Variants in MYLK4 observed in about 807,000 individuals in gnomAD.
The protein encoded by MYLK4 is myosin light chain kinase family member 4.
In MYLK4, 46 loss-of-function variants were observed where a neutral mutation model predicts 48.1. The observed-to-expected ratio is 0.96, with a 90% CI of 0.75 to 1.22. The LOEUF (loss-of-function observed/expected upper bound fraction) is 1.22. MYLK4 is among the 50% of genes most tolerant of loss of function. The pLI, the probability that MYLK4 is intolerant of heterozygous loss-of-function variation, is 0.00. For missense variants in MYLK4, 451 were observed against 486.1 expected (o/e 0.93, Z 0.68); for synonymous variants, 170 against 180.8 (o/e 0.94, Z 0.48).
At chr6:2,718,275 A>G (rs1762943863) in intron 2 of MYLK4, among the ~76,000 whole-genome samples, 1 of 152,138 alleles carries the variant, frequency 6.6e-6, no homozygotes. Flanking sequence ...AATCCCCACC[A>G]TGCTCATGAT....
intron 1 of MYLK4, among the ~76,000 whole-genome samples, chr6:2,749,824 C>G (rs903965745): frequency 6.6e-6 from 1 of 152,132 alleles, no homozygotes; most frequent in Admixed American, 6.5e-5. Context: ...GCAGAGGGAT[C>G]GCTCCCGAAT....
In MYLK4 at chr6:2,672,035, A is replaced by G. The variant is rs1460187276; in HGVS notation, c.1120-687T>C. On this transcript the variant is annotated intron_variant, in intron 11 of 12. Coordinates refer to ENST00000274643, the MANE Select transcript of MYLK4 (RefSeq NM_001012418.5). This position sits in a 1 kb window ranked among gnomAD's most constrained non-coding sequence, Gnocchi z 4.3. The stretch of plus-strand genomic sequence containing the variant: ...CTGTAATTAAGGAACTAATGATTTG[A>G]TAGATTAGGGAAGAGGGTGAGTAGA... Among the ~76,000 whole-genome samples, 1 of 152,144 alleles carries G rather than the reference A, an allele frequency of 6.6e-6. No individual in the cohort carries two copies. Among genetic ancestry groups the G allele is most frequent in the Non-Finnish European group, 1.5e-5 (1 of 68,030 alleles).
intron 2 of MYLK4, among the ~76,000 whole-genome samples, chr6:2,698,528 T>G (rs554863711): frequency 6.2e-4 from 94 of 152,252 alleles, no homozygotes; most frequent in Non-Finnish European, 1.0e-3. Flanking sequence ...CAGTTTTGCA[T>G]ATTACTGTTT....
chr6:2,762,671 C>A, the MYLK4 span, among the ~76,000 whole-genome samples: 1 of 152,202 alleles, frequency 6.6e-6, no homozygotes, highest in Non-Finnish European at 1.5e-5. Context: ...AGTTTTTACT[C>A]TCATTAACTT....
rs950070702 is a variant in MYLK4 at position 2,720,142 on chromosome 6, C to T, written c.160-27283G>A. On this transcript the variant is annotated intron_variant, in intron 2 of 12. Transcript: ENST00000274643. ...AGACTAGGCTGGGCGCGGTGGCTCACGCCTATAATCCCAGCACTTTGGGAG... is the reference window on the plus strand; with the variant it reads ...AGACTAGGCTGGGCGCGGTGGCTCATGCCTATAATCCCAGCACTTTGGGAG... 1.2e-4 allele frequency among the ~76,000 whole-genome samples: 18 copies of T among 152,216 alleles called. 1 individual carries two copies. The East Asian group carries it at 1.5e-3, about 13-fold the overall frequency.
At chr6:2,689,621 T>C (rs1232397259) in intron 3 of MYLK4, among the ~76,000 whole-genome samples, 2 of 152,212 alleles carry the variant, frequency 1.3e-5, no homozygotes, top group Non-Finnish European at 2.9e-5. Context: ...AGCTCTAACA[T>C]ACAGAATTAC....
chr6:2,675,249 A>G (rs1231513667), intron 10 of MYLK4, 124 bp from the exon 11 acceptor site: 4 of 706,468 alleles, frequency 5.7e-6, no homozygotes, highest in East Asian at 2.6e-5. Context: ...CTCATGGTCA[A>G]TTCTGCCTTC....
intron 2 of MYLK4, among the ~76,000 whole-genome samples, chr6:2,737,096 C>T (rs922804631): frequency 6.6e-6 from 1 of 152,166 alleles, no homozygotes; most frequent in Non-Finnish European, 1.5e-5. Context: ...GGGCAGATCA[C>T]GAGGTCAAGA....
At chr6:2,759,520 A>G in the MYLK4 span, among the ~76,000 whole-genome samples, 1 of 152,204 alleles carries the variant, frequency 6.6e-6, no homozygotes, top group Non-Finnish European at 1.5e-5. Context: ...ATCATTATGT[A>G]GGACTTATTC....
At chr6:2,694,532 A>ATGGTGGTGGTGGTG (rs1761964920) in intron 2 of MYLK4, among the ~76,000 whole-genome samples, 1 of 2,178 alleles carries the variant, frequency 4.6e-4, no homozygotes, top group African/African-American at 1.8e-3. Context: ...TGGTGGTGGT[A>ATGGTGGTGGTGGTG]GTAGTGTTGG....
chr6:2,692,648 G>T, intron 3 of MYLK4, 136 bp downstream of exon 3: 2 of 574,912 alleles, frequency 3.5e-6, no homozygotes, highest in Non-Finnish European at 5.4e-6. Flanking sequence ...AAAAAGGGGG[G>T]GGGGGGCATT....
At chr6:2,760,641 T>A in the MYLK4 span, among the ~76,000 whole-genome samples, 5 of 152,174 alleles carry the variant, frequency 3.3e-5, 1 homozygote, top group South Asian at 6.2e-4. Context: ...AAAGGCTGTA[T>A]ATACTCCTTT....
intron 3 of MYLK4, among the ~76,000 whole-genome samples, chr6:2,690,166 C>G (rs565981618): frequency 6.6e-6 from 1 of 152,200 alleles, no homozygotes; most frequent in South Asian, 2.1e-4. Flanking sequence ...GGCCGTCTTG[C>G]CCTCGGGAGG....
intron 7 of MYLK4, chr6:2,680,635 C>T: frequency 1.1e-6 from 1 of 883,686 alleles, no homozygotes; most frequent in Non-Finnish European, 1.4e-6. Context: ...ATCTGCCCCT[C>T]TAAATTATTC....
At chr6:2,703,662 ATTCTTTT>A (rs1261453517) in intron 2 of MYLK4, among the ~76,000 whole-genome samples, 1 of 62,138 alleles carries the variant, frequency 1.6e-5, no homozygotes, top group African/African-American at 6.6e-5. Context: ...CCCTTTGTGA[ATTCTTTT>A]TTTTTTTTTT....
intron 2 of MYLK4, among the ~76,000 whole-genome samples, chr6:2,715,668 C>T (rs1304933835): frequency 6.6e-6 from 1 of 152,188 alleles, no homozygotes; most frequent in Non-Finnish European, 1.5e-5. Context: ...GCTAGTCCTG[C>T]TTCACGTGTC....
chr6:2,749,375 A>C lies in MYLK4; in HGVS notation c.-81T>G, dbSNP rs1402698709. 4.5e-6 allele frequency: 5 copies of C among 1,119,460 alleles called. No individual in the cohort carries two copies. The African/African-American group carries it at 7.8e-5, about 17-fold the overall frequency. 69.3% of individuals were successfully genotyped at this position (1,119,460 alleles called of 1,614,324 possible). ...GTCTCCGATTTATAAATCAGGACAC[A>C]ATTATGACTCTTCAGTGCTTCTTTC... On this transcript the variant is annotated 5_prime_UTR_variant, in exon 2 of 13. It adds an upstream start codon to the 5' untranslated region. Transcript: ENST00000274643.
chr6:2,685,573 C>T lies in MYLK4; in HGVS notation c.345G>A (p.Gly115=). ...CACACTTGTGAACCTGGCCGAAACG[C>T]CCTCTGCCAAAAAGAGGAAGCGGCG... ...TVSKTEILGG[G]RFGQVHKCEE... The change falls in exon 5 of 13, where the codon GGG becomes GGA. Residue 115 remains glycine (G), a synonymous_variant. Coordinates refer to ENST00000274643, the MANE Select transcript of MYLK4 (RefSeq NM_001012418.5). This position sits in a 1 kb window ranked among gnomAD's most constrained non-coding sequence, Gnocchi z 4.5. The T allele has an allele frequency of 2.5e-6, 4 of 1,614,130 alleles. No individual in the cohort carries two copies. Among genetic ancestry groups the T allele is most frequent in the Non-Finnish European group, 3.4e-6 (4 of 1,180,016 alleles).
At chr6:2,699,238 A>G (rs1225106507) in intron 2 of MYLK4, among the ~76,000 whole-genome samples, 1 of 144,520 alleles carries the variant, frequency 6.9e-6, no homozygotes, top group Non-Finnish European at 1.5e-5. Context: ...TATAATATAC[A>G]TTGAGCTGTA....
Sources: gnomAD v4.1 joint callset for allele counts (sites outside exome capture counted in the v4.1 genomes callset) on GRCh38, gnomAD v4.1.1 for gene constraint, Gnocchi (gnomAD v3.1) non-coding constraint, MANE v1.5 for transcripts, NCBI Gene and HGNC (gene_info 2026-07-23, HGNC 2026-07-21) for gene names.